The following CCSER1 variants were observed in gnomAD, a reference collection of about 807,000 sequenced individuals.
CCSER1 encodes the protein coiled-coil serine rich protein 1.
CCSER1 carries 41 observed loss-of-function variants against 82.0 expected under a neutral mutation model. That is an observed-to-expected ratio of 0.50 (90% CI 0.39 to 0.65). CCSER1 has a LOEUF of 0.65. CCSER1 is among the 30% of genes least tolerant of loss of function. The probability of loss-of-function intolerance (pLI) is 0.00; values close to 1 mark genes in which losing one functional copy is unlikely to be tolerated. For missense variants in CCSER1, 1,119 were observed against 1,064.2 expected, an observed-to-expected ratio of 1.05 and a Z score of -0.72; for synonymous variants, 414 against 383.9, an observed-to-expected ratio of 1.08 and a Z score of -0.92.
chr4:90,329,317 A>G (rs1482544682), intron 3 of CCSER1, among the ~76,000 whole-genome samples: 2 of 152,180 alleles, frequency 1.3e-5, no homozygotes, highest in Admixed American at 1.3e-4. Context: ...TACAGTTGTC[A>G]TAGAATCAAA....
intron 8 of CCSER1, among the ~76,000 whole-genome samples, chr4:90,863,483 CAT>C (rs1035591634): frequency 4.6e-5 from 7 of 151,942 alleles, no homozygotes; most frequent in African/African-American, 1.7e-4. Flanking sequence ...TAAGTGTGAT[CAT>C]ATATGTTTCT....
chr4:91,078,290 C>T (rs948064835), intron 9 of CCSER1, among the ~76,000 whole-genome samples: 9 of 152,222 alleles, frequency 5.9e-5, no homozygotes, highest in Middle Eastern at 6.8e-3. Flanking sequence ...CTGCAGCCTC[C>T]GCAGGTGATA....
chr4:91,336,319 G>A (rs1747322986), intron 10 of CCSER1, among the ~76,000 whole-genome samples: 1 of 151,956 alleles, frequency 6.6e-6, no homozygotes, highest in Non-Finnish European at 1.5e-5. Context: ...ATTATTGTCA[G>A]AATTTTATGA....
intron 5 of CCSER1, among the ~76,000 whole-genome samples, chr4:90,610,103 A>G (rs1785251162): frequency 6.6e-6 from 1 of 151,902 alleles, no homozygotes; most frequent in Non-Finnish European, 1.5e-5. Flanking sequence ...AATACAAAAA[A>G]TTAGCCGGGC....
intron 4 of CCSER1, among the ~76,000 whole-genome samples, chr4:90,411,691 A>G (rs1578341922): frequency 6.6e-6 from 1 of 152,332 alleles, no homozygotes; most frequent in Admixed American, 6.5e-5. Flanking sequence ...AACTGGAAGC[A>G]TTCCCTTTGA....
At chr4:90,823,222 C>T (rs1406976617) in intron 8 of CCSER1, among the ~76,000 whole-genome samples, 2 of 152,088 alleles carry the variant, frequency 1.3e-5, no homozygotes, top group African/African-American at 2.4e-5. Context: ...TTCACACACA[C>T]ACATACATAC....
At chr4:91,203,627 C>T (rs955455354) in intron 10 of CCSER1, among the ~76,000 whole-genome samples, 1 of 147,034 alleles carries the variant, frequency 6.8e-6, no homozygotes, top group African/African-American at 2.5e-5. Context: ...TCTGCTAAAG[C>T]ATGAATGCAT....
chr4:90,943,429 A>T (rs1444836807), intron 9 of CCSER1, among the ~76,000 whole-genome samples: 1 of 152,190 alleles, frequency 6.6e-6, no homozygotes, highest in Non-Finnish European at 1.5e-5. Flanking sequence ...TTTAAGAATA[A>T]GATCCTGAAA....
chr4:91,299,940 C>T (rs976192790), intron 10 of CCSER1, among the ~76,000 whole-genome samples: 4 of 151,684 alleles, frequency 2.6e-5, no homozygotes, highest in Non-Finnish European at 5.9e-5. Context: ...AGACACCGTG[C>T]GAGAAGTAAA....
chr4:91,202,447 T>C (rs1423837985), intron 10 of CCSER1, among the ~76,000 whole-genome samples: 3 of 151,982 alleles, frequency 2.0e-5, no homozygotes, highest in Non-Finnish European at 4.4e-5. Flanking sequence ...TAGGAACCTC[T>C]ATGAAAAAGT....
rs118129612 is a variant in CCSER1, at chr4:91,003,463, G to A, written c.2172+80016G>A. Among the ~76,000 whole-genome samples the A allele has an allele frequency of 5.3e-5, 8 of 152,214 alleles. No homozygotes were observed. The East Asian group carries it at 1.6e-3, about 30-fold the overall frequency. ...GGAATTATGTTCCTAGGAGGATTAT[G>A]CCTGCCTCTACTGTGTCATGAAGGT... On this transcript the variant is annotated intron_variant, in intron 9 of 10. Transcript: ENST00000509176.
At chr4:91,341,350 G>T (rs970912354) in intron 10 of CCSER1, among the ~76,000 whole-genome samples, 1 of 152,134 alleles carries the variant, frequency 6.6e-6, no homozygotes, top group African/African-American at 2.4e-5. Context: ...GTAATAGGGT[G>T]ATATGCTTGG....
chr4:90,526,882 T>A (rs1773828449), intron 5 of CCSER1, among the ~76,000 whole-genome samples: 1 of 152,212 alleles, frequency 6.6e-6, no homozygotes, highest in Non-Finnish European at 1.5e-5. Context: ...TTTGGGTATA[T>A]ACCCAGTAAT....
rs969668078 is a variant in CCSER1, at chr4:91,564,994, G to A, written c.2218-33578G>A. Among the ~76,000 whole-genome samples the A allele has an allele frequency of 4.0e-5, 6 of 148,372 alleles. No homozygotes were observed. The South Asian group carries it at 1.3e-3, about 32-fold the overall frequency. ...TCTTTCAGGGTTTTTATCATCTTGG[G>A]TTTTAAATTTAAGTCTTTAATGCAC... is the stretch of plus-strand genomic sequence containing the variant. On this transcript the variant is annotated intron_variant, in intron 10 of 10. Coordinates refer to ENST00000509176, the MANE Select transcript of CCSER1 (RefSeq NM_001145065.2).
At chr4:90,699,065 C>T (rs1040073136) in intron 6 of CCSER1, among the ~76,000 whole-genome samples, 1 of 152,020 alleles carries the variant, frequency 6.6e-6, no homozygotes, top group Non-Finnish European at 1.5e-5. Flanking sequence ...CCCACCACTG[C>T]ACTCCAGCCG....
intron 1 of CCSER1, among the ~76,000 whole-genome samples, chr4:90,166,275 T>C (rs1578280054): frequency 6.6e-6 from 1 of 152,088 alleles, no homozygotes; most frequent in Admixed American, 6.6e-5. Context: ...AGGTTAAAGG[T>C]TGTATATATC....
intron 1 of CCSER1, among the ~76,000 whole-genome samples, chr4:90,292,781 A>G (rs1231312696): frequency 2.0e-5 from 3 of 152,020 alleles, no homozygotes; most frequent in Non-Finnish European, 4.4e-5. Context: ...TGTTTGAACT[A>G]GAACATGCAC....
chr4:90,982,424 T>C (rs1453291528), intron 9 of CCSER1, among the ~76,000 whole-genome samples: 2 of 151,716 alleles, frequency 1.3e-5, no homozygotes, highest in Admixed American at 6.6e-5. Flanking sequence ...GGAACACAAA[T>C]ACTCAGTCCA....
intron 4 of CCSER1, among the ~76,000 whole-genome samples, chr4:90,444,933 G>T (rs1362646804): frequency 6.6e-6 from 1 of 151,806 alleles, no homozygotes; most frequent in African/African-American, 2.4e-5. Context: ...TATTATATTG[G>T]AATCTAATAT....
Sources: gnomAD v4.1 joint callset for allele counts (sites outside exome capture counted in the v4.1 genomes callset) on GRCh38, gnomAD v4.1.1 for gene constraint, MANE v1.5 for transcripts, NCBI Gene and HGNC (gene_info 2026-07-23, HGNC 2026-07-21) for gene names.